Variants in DNAH10 observed in about 807,000 individuals in gnomAD.
DNAH10 encodes axonemal beta dynein heavy chain 10.
In DNAH10, 348 loss-of-function variants were observed where a neutral mutation model predicts 506.6. The observed-to-expected ratio is 0.69, with a 90% CI of 0.63 to 0.75. The LOEUF (loss-of-function observed/expected upper bound fraction) is 0.75, where lower values mean the gene tolerates loss of function less well. DNAH10 is among the 30% of genes least tolerant of loss of function. The pLI is 0.00. For synonymous variants in DNAH10, 2,059 were observed against 2,198.6 expected (o/e 0.94, Z 1.78); for missense variants, 5,179 against 5,787.1 (o/e 0.89, Z 3.41).
At chr12:123,849,386 A>G (rs1326262188) in intron 34 of DNAH10, among the ~76,000 whole-genome samples, 4 of 152,234 alleles carry the variant, frequency 2.6e-5, no homozygotes, top group African/African-American at 9.6e-5. Flanking sequence ...CTCTCTGCCA[A>G]AGAATATGTT....
At chr12:123,818,426 C>T (rs761951987) in intron 21 of DNAH10, among the ~76,000 whole-genome samples, 3 of 151,986 alleles carry the variant, frequency 2.0e-5, no homozygotes, top group African/African-American at 4.8e-5. Context: ...CAGGTTCAAG[C>T]GATTCTGCCA....
chr12:123,854,479 A>C (rs1951312643), intron 36 of DNAH10, among the ~76,000 whole-genome samples: 1 of 152,154 alleles, frequency 6.6e-6, no homozygotes, highest in African/African-American at 2.4e-5. Flanking sequence ...ACTGCCTTAC[A>C]CTGAACCCAA....
In DNAH10 at chr12:123,796,799, A is replaced by G. The variant is rs779540545; in HGVS notation, c.2130A>G (p.Val710=). The part of the protein sequence containing the change: ...IKHTILRFQE[V]QEILDSDRGQ... ...ATACCATCCTCCGATTTCAAGAGGTACAAGAGATACTGGACAGTGATCGAG... is the reference window on the plus strand; with the variant it reads ...ATACCATCCTCCGATTTCAAGAGGTGCAAGAGATACTGGACAGTGATCGAG... The change falls in exon 13 of 79, where the codon GTA becomes GTG. Residue 710 remains valine (V), a synonymous_variant. Transcript: ENST00000673944. The G allele has an allele frequency of 4.3e-6, 7 of 1,613,896 alleles. No individual in the cohort carries two copies. In the Admixed American group the frequency reaches 5.0e-5, roughly 12 times the overall value.
At position 123,845,967 on chromosome 12, in the gene DNAH10, C is replaced by T; in HGVS notation, c.5631-4C>T. On this transcript the variant is annotated splice_region_variant and splice_polypyrimidine_tract_variant and intron_variant, in intron 31 of 78. Coordinates refer to ENST00000673944, the MANE Select transcript of DNAH10 (RefSeq NM_001372106.1). ...CCACTTCCTCCACCTTTCTTGCCGT[C>T]CAGTATCCTGGAGGCCCGAGAGTTT... The T allele has an allele frequency of 6.2e-7, 1 of 1,613,870 alleles. No homozygotes were observed. Among genetic ancestry groups the T allele is most frequent in the Non-Finnish European group, 8.5e-7 (1 of 1,179,788 alleles).
At position 123,845,604 on chromosome 12, in the gene DNAH10, G is replaced by A. The variant is rs764455026; in HGVS notation, c.5365G>A (p.Asp1789Asn). 4.3e-6 allele frequency: 7 copies of A among 1,612,572 alleles called. No homozygotes were observed. In the East Asian group the frequency reaches 8.9e-5, roughly 21 times the overall value. Reference sequence around the variant, plus strand: ...ACAGGTGTGCGTTTTCTGCAGAGTCGACTGGATGCTCCTGTACCAGGGCAT... The same window carrying A: ...ACAGGTGTGCGTTTTCTGCAGAGTCAACTGGATGCTCCTGTACCAGGGCAT... ...FRYCEDRSRV[D>N]WMLLYQGMVV... Residue 1789 changes from aspartate to asparagine, a missense_variant, in exon 31 of 79, where the codon GAC becomes AAC. Coordinates refer to ENST00000673944, the MANE Select transcript of DNAH10 (RefSeq NM_001372106.1).
intron 35 of DNAH10, 92 bp downstream of exon 35, chr12:123,851,168 G>T: frequency 7.3e-7 from 1 of 1,363,984 alleles, no homozygotes; most frequent in South Asian, 1.5e-5. Context: ...AGCTCCGTGT[G>T]GCTCTTCCAG....
chr12:123,824,779 G>T (rs1959792485), intron 24 of DNAH10, among the ~76,000 whole-genome samples: 1 of 152,056 alleles, frequency 6.6e-6, no homozygotes, highest in African/African-American at 2.4e-5. Context: ...CTGTGCCTCT[G>T]TGTCTGTTTT....
chr12:123,906,078 CGCCACGACGCCT>C (rs1304166561), intron 57 of DNAH10, among the ~76,000 whole-genome samples: 1 of 151,486 alleles, frequency 6.6e-6, no homozygotes, highest in Non-Finnish European at 1.5e-5. Flanking sequence ...TCCAGACGCC[CGCCACGACGCCT>C]GGCTAATTTT....
chr12:123,809,092 C>A, intron 19 of DNAH10, 139 bp downstream of exon 19: 1 of 1,016,972 alleles, frequency 9.8e-7, no homozygotes, highest in Non-Finnish European at 1.5e-6. Context: ...AGTCATCCCC[C>A]AGTTTTCCCC....
chr12:123,930,334 C>T (rs1955146556), intron 72 of DNAH10, 68 bp from the exon 73 acceptor site: 6 of 1,406,114 alleles, frequency 4.3e-6, no homozygotes, highest in African/African-American at 3.0e-5. Context: ...AGCCTCTGGC[C>T]CCGGGCCCCC....
intron 6 of DNAH10, among the ~76,000 whole-genome samples, chr12:123,781,535 G>C (rs537258241): frequency 1.3e-4 from 19 of 151,692 alleles, no homozygotes; most frequent in Admixed American, 5.9e-4. Context: ...GTGAGATCTC[G>C]GTTCACTGCA....
intron 37 of DNAH10, among the ~76,000 whole-genome samples, chr12:123,858,323 G>A (rs1951479800): frequency 6.6e-6 from 1 of 152,170 alleles, no homozygotes; most frequent in Admixed American, 6.5e-5. Flanking sequence ...CAGACCTGGG[G>A]GGTTGCCTCG....
Position 123,804,924 on chromosome 12 carries a change from G to A in DNAH10, c.2871G>A (p.Leu957=), listed in dbSNP as rs753225198. Residue 957 remains leucine, a synonymous_variant, in exon 18 of 79, where the codon CTG becomes CTA. Transcript: ENST00000673944. Reference sequence around the variant, plus strand: ...GGTATCTTGCCATTGGACCACTGCTGACCAAAGTTGAGGGCCTGGTCGTCC... The same window carrying A: ...GGTATCTTGCCATTGGACCACTGCTAACCAAAGTTGAGGGCCTGGTCGTCC... ...VRWYLAIGPL[L]TKVEGLVVHT... 6.2e-7 allele frequency: 1 copy of A among 1,614,112 alleles called. No individual in the cohort carries two copies. The highest frequency in any genetic ancestry group is 8.5e-7 in the Non-Finnish European group (1 of 1,180,048).
chr12:123,875,855 C>T (rs1239933065), intron 47 of DNAH10, among the ~76,000 whole-genome samples: 3 of 152,146 alleles, frequency 2.0e-5, no homozygotes, highest in Non-Finnish European at 4.4e-5. Context: ...GAGCAGGTCT[C>T]TTGAACTCTC....
intron 4 of DNAH10, among the ~76,000 whole-genome samples, chr12:123,773,912 T>G (rs1361013387): frequency 6.6e-6 from 1 of 152,260 alleles, no homozygotes; most frequent in Admixed American, 6.5e-5. Context: ...AGCAAATGTG[T>G]GCAGCTCTTG....
intron 26 of DNAH10, 69 bp downstream of exon 26, chr12:123,830,768 A>C: frequency 7.2e-7 from 1 of 1,387,182 alleles, no homozygotes; most frequent in Non-Finnish European, 9.5e-7. Flanking sequence ...AATAGGGAGA[A>C]CTCATCTATA....
chr12:123,875,499 G>A lies in DNAH10; in HGVS notation c.8199+8G>A. 3.1e-6 allele frequency: 5 copies of A among 1,612,972 alleles called. No individual in the cohort carries two copies. Among genetic ancestry groups the A allele is most frequent in the Non-Finnish European group, 4.2e-6 (5 of 1,179,090 alleles). On this transcript the variant is annotated splice_region_variant and intron_variant, in intron 47 of 78. Coordinates refer to ENST00000673944, the MANE Select transcript of DNAH10 (RefSeq NM_001372106.1). ...CTGAAAGGCCACACCTCGGTAACTT[G>A]ATTTTAACTAGAAGTCTAAACCGGA...
intron 69 of DNAH10, chr12:123,927,225 T>A (rs1954986305): frequency 5.3e-6 from 1 of 189,488 alleles, no homozygotes; most frequent in Non-Finnish European, 1.1e-5. Context: ...TTTTTTGGTA[T>A]TTTCTGTAGA....
chr12:123,801,405 T>C lies in DNAH10; in HGVS notation c.2587T>C (p.Tyr863His), dbSNP rs770316130. Residue 863 changes from tyrosine (Y) to histidine (H), a missense_variant, in exon 16 of 79, where the codon TAT becomes CAT. Tyr to His is a moderately conservative substitution (Grantham distance 83). Around this residue, in one of 3 missense-constraint regions of DNAH10, gnomAD observed 4,844 missense variants for 5,430.5 expected, o/e 0.89. Transcript: ENST00000673944. Reference sequence around the variant, plus strand: ...ACTGCTCCGAGTGTTTAGGTCGGGATATAAGAGGTTGAACTGGAACTCACT... The same window carrying C: ...ACTGCTCCGAGTGTTTAGGTCGGGACATAAGAGGTTGAACTGGAACTCACT... ...QELLRVFRSGYKRLNWNSLGI... is the reference protein window; with the variant it reads ...QELLRVFRSGHKRLNWNSLGI... The C allele has an allele frequency of 2.5e-6, 4 of 1,614,146 alleles. No homozygotes were observed. The highest frequency in any genetic ancestry group is 3.4e-6 in the Non-Finnish European group (4 of 1,180,028).
Sources: allele counts gnomAD v4.1 joint callset (sites outside exome capture counted in the v4.1 genomes callset), GRCh38; gene constraint gnomAD v4.1.1; regional missense constraint gnomAD v4.1.1; transcripts MANE v1.5; gene names NCBI Gene and HGNC (gene_info 2026-07-23, HGNC 2026-07-21).